The following EYA1 variants were observed in gnomAD, a reference collection of about 807,000 sequenced individuals.
EYA1 encodes EYA transcriptional coactivator and phosphatase 1.
In EYA1, 16 loss-of-function variants were observed where a neutral mutation model predicts 82.0. The ratio of observed to expected loss-of-function variants is 0.20; its 90% CI spans 0.13 to 0.30. EYA1 has a LOEUF of 0.30. EYA1 is among the 10% of genes least tolerant of loss of function. The pLI is 1.00. For synonymous variants in EYA1, 261 were observed against 264.4 expected (o/e 0.99, Z 0.12); for missense variants, 633 against 730.7 (o/e 0.87, Z 1.54).
intron 12 of EYA1, among the ~76,000 whole-genome samples, chr8:71,236,593 G>A (rs1461256182): frequency 6.6e-6 from 1 of 152,150 alleles, no homozygotes; most frequent in Non-Finnish European, 1.5e-5. Context: ...TTATGGGGTT[G>A]AGTGGATTTC....
chr8:71,251,362 T>C (rs1197440735), intron 11 of EYA1, among the ~76,000 whole-genome samples: 2 of 152,220 alleles, frequency 1.3e-5, no homozygotes, highest in African/African-American at 4.8e-5. Context: ...ATTCTTCTAG[T>C]GGAAGCCTTC....
At chr8:71,356,438 G>A (rs769894669) in intron 2 of EYA1, 24 bp downstream of exon 2, 2 of 1,569,438 alleles carry the variant, frequency 1.3e-6, no homozygotes, top group Non-Finnish European at 1.7e-6. Context: ...CTCCAAAAAT[G>A]TCAAATATCA....
At chr8:71,295,763 C>T (rs1586229053) in intron 9 of EYA1, among the ~76,000 whole-genome samples, 1 of 152,158 alleles carries the variant, frequency 6.6e-6, no homozygotes, top group South Asian at 2.1e-4. Flanking sequence ...AAAAACTGCA[C>T]ACAAATGTTT....
intron 11 of EYA1, among the ~76,000 whole-genome samples, chr8:71,248,879 A>T: frequency 6.6e-6 from 1 of 152,248 alleles, no homozygotes; most frequent in East Asian, 1.9e-4. Context: ...CATATTAAGA[A>T]CAAGGAAAAA....
At chr8:71,311,602 C>T (rs901748163) in intron 7 of EYA1, among the ~76,000 whole-genome samples, 1 of 152,158 alleles carries the variant, frequency 6.6e-6, no homozygotes, top group South Asian at 2.1e-4. Context: ...CCAGAAAAAC[C>T]AAAGCTAACA....
intron 3 of EYA1, among the ~76,000 whole-genome samples, chr8:71,339,659 C>T (rs990188760): frequency 6.6e-6 from 1 of 152,110 alleles, no homozygotes; most frequent in Non-Finnish European, 1.5e-5. Flanking sequence ...CCCAGTTTTC[C>T]ATGGATTAAT....
rs188309417 is a variant in EYA1 at position 71,492,496 on chromosome 8, G to A, written c.33+43248C>T. On this transcript the variant is annotated intron_variant, in intron 2 of 18. Transcript: ENST00000643681. ...TTTTTTTTTTTTGAGACGGAGTCTCGCTCTGTTGCCCAGGCTGGAGTGCAG... is the reference window on the plus strand; with the variant it reads ...TTTTTTTTTTTTGAGACGGAGTCTCACTCTGTTGCCCAGGCTGGAGTGCAG... 2.6e-3 allele frequency among the ~76,000 whole-genome samples: 372 copies of A among 145,812 alleles called. 2 individuals are homozygous for A. The highest frequency in any genetic ancestry group is 7.3e-3 in the African/African-American group (288 of 39,578).
intron 17 of EYA1, chr8:71,204,262 C>T (rs1807449349): frequency 6.6e-6 from 1 of 152,232 alleles, no homozygotes; most frequent in Non-Finnish European, 1.5e-5. Flanking sequence ...TCTCCTTCCT[C>T]CATCCTTCCT....
chr8:71,461,291 C>T (rs529738921), intron 2 of EYA1, among the ~76,000 whole-genome samples: 3 of 152,144 alleles, frequency 2.0e-5, no homozygotes, highest in East Asian at 3.9e-4. Flanking sequence ...ATGCATGGAG[C>T]GGCAAGGGGT....
At chr8:71,253,432 G>A (rs1813993462) in intron 11 of EYA1, among the ~76,000 whole-genome samples, 1 of 152,064 alleles carries the variant, frequency 6.6e-6, no homozygotes, top group African/African-American at 2.4e-5. Flanking sequence ...ATTATATAGG[G>A]GAAAGGTGGT....
chr8:71,210,684 TG>T (rs1377638193), intron 17 of EYA1, among the ~76,000 whole-genome samples: 9 of 152,296 alleles, frequency 5.9e-5, no homozygotes, highest in Admixed American at 3.3e-4. Context: ...CCTCATGATA[TG>T]AAGAAGACAT....
intron 4 of EYA1, among the ~76,000 whole-genome samples, chr8:71,324,272 G>A (rs1485873786): frequency 1.3e-5 from 2 of 152,118 alleles, no homozygotes; most frequent in Non-Finnish European, 2.9e-5. Context: ...TTGATTTAGA[G>A]GATATGCACA....
At chr8:71,497,896 T>C (rs1005390378) in intron 2 of EYA1, among the ~76,000 whole-genome samples, 4 of 152,268 alleles carry the variant, frequency 2.6e-5, no homozygotes, top group African/African-American at 4.8e-5. Flanking sequence ...GGAAATCCTG[T>C]CATTTGCGAG....
intron 2 of EYA1, among the ~76,000 whole-genome samples, chr8:71,394,621 C>T (rs962886151): frequency 7.9e-5 from 12 of 151,496 alleles, no homozygotes; most frequent in Admixed American, 5.3e-4. Flanking sequence ...GTATTATTTC[C>T]GGGGGATCTA....
intron 9 of EYA1, among the ~76,000 whole-genome samples, chr8:71,283,005 T>C (rs978117406): frequency 4.0e-5 from 6 of 149,644 alleles, no homozygotes; most frequent in African/African-American, 1.5e-4. Context: ...TATTTACAGG[T>C]GTAAGAAATC....
At chr8:71,230,343 G>A (rs994967819) in intron 12 of EYA1, among the ~76,000 whole-genome samples, 1 of 152,158 alleles carries the variant, frequency 6.6e-6, no homozygotes, top group Non-Finnish European at 1.5e-5. Context: ...GCCTGTCATA[G>A]GTGACACTGA....
intron 2 of EYA1, among the ~76,000 whole-genome samples, chr8:71,494,740 CT>C (rs575001462): frequency 5.9e-4 from 90 of 152,212 alleles, no homozygotes; most frequent in Non-Finnish European, 1.0e-3. Flanking sequence ...GAATACACAG[CT>C]GCTTTAAGTC....
At chr8:71,483,492 AT>A (rs1364407673) in intron 2 of EYA1, among the ~76,000 whole-genome samples, 5 of 151,856 alleles carry the variant, frequency 3.3e-5, no homozygotes, top group Non-Finnish European at 5.9e-5. Context: ...AAGTTTAACA[AT>A]TTTTTAACAT....
chr8:71,308,719 G>GAA (rs539957352), intron 7 of EYA1, among the ~76,000 whole-genome samples: 8 of 107,066 alleles, frequency 7.5e-5, no homozygotes, highest in East Asian at 5.1e-4. Flanking sequence ...TTTTTTTTAA[G>GAA]AAAAAAAAAA....
Sources: gnomAD v4.1 joint callset for allele counts (sites outside exome capture counted in the v4.1 genomes callset) on GRCh38, gnomAD v4.1.1 for gene constraint, MANE v1.5 for transcripts, NCBI Gene and HGNC (gene_info 2026-07-23, HGNC 2026-07-21) for gene names.